SIRPB2: variants seen among roughly 807,000 people sequenced by gnomAD.
SIRPB2 encodes the protein signal regulatory protein beta 2.
A neutral mutation model predicts 27.1 loss-of-function variants in SIRPB2; 18 were observed. That is an observed-to-expected ratio of 0.66 (90% confidence interval 0.46 to 0.98). The LOEUF (loss-of-function observed/expected upper bound fraction) is 0.98. SIRPB2 is among the 50% of genes least tolerant of loss of function. The pLI is 0.00. For synonymous variants in SIRPB2, 150 were observed against 164.6 expected (o/e 0.91, Z 0.68); for missense variants, 420 against 417.4 (o/e 1.01, Z -0.06).
rs2090603064 is a variant in SIRPB2, at chr20:1,476,052, A to G, written c.*115T>C. 1 of 1,172,390 alleles carries G rather than the reference A, an allele frequency of 8.5e-7. No homozygotes were observed. Among genetic ancestry groups the G allele is most frequent in the African/African-American group, 1.5e-5 (1 of 64,558 alleles). The allele number at this position is 1,172,390 out of a possible 1,614,324, so 72.6% of individuals were successfully genotyped here. A position where few individuals can be genotyped will look rare whatever the true frequency, so the allele number is the denominator to read the frequency against. The stretch of plus-strand genomic sequence containing the variant: ...GGACCAAAACCAGATGTAGGGATCT[A>G]GGAGTTTGTCATGAGGCCTGGGGGC... On this transcript the variant is annotated 3_prime_UTR_variant, in exon 5 of 5. Coordinates refer to ENST00000359801, the MANE Select transcript of SIRPB2 (RefSeq NM_001122962.2).
chr20:1,486,285 C>T (rs2090725807), intron 1 of SIRPB2, among the ~76,000 whole-genome samples: 1 of 151,966 alleles, frequency 6.6e-6, no homozygotes, highest in Non-Finnish European at 1.5e-5. Flanking sequence ...GTTAGCCAGG[C>T]TGGTCTTGAA....
At chr20:1,482,747 T>C (rs1466494842) in intron 1 of SIRPB2, among the ~76,000 whole-genome samples, 1 of 151,044 alleles carries the variant, frequency 6.6e-6, no homozygotes, top group Non-Finnish European at 1.5e-5. Flanking sequence ...CGTGTTGCTG[T>C]GAATGACTAC....
At chr20:1,478,221 A>C in intron 3 of SIRPB2, 45 bp downstream of exon 3, 10 of 1,573,666 alleles carry the variant, frequency 6.4e-6, no homozygotes, top group African/African-American at 1.4e-5. Context: ...TTCCTGTTGA[A>C]TACCTGCTCC....
chr20:1,476,061 T>C lies in SIRPB2; in HGVS notation c.*106A>G. 7.6e-7 allele frequency: 1 copy of C among 1,308,634 alleles called. No individual in the cohort carries two copies. The highest frequency in any genetic ancestry group is 1.1e-6 in the Non-Finnish European group (1 of 936,610). 81.1% of individuals were successfully genotyped at this position (1,308,634 alleles called of 1,614,324 possible). ...CCAGATGTAGGGATCTAGGAGTTTG[T>C]CATGAGGCCTGGGGGCACCTAGAGG... is the stretch of plus-strand genomic sequence containing the variant. On this transcript the variant is annotated 3_prime_UTR_variant, in exon 5 of 5. Transcript: ENST00000359801.
At chr20:1,485,922 C>T (rs1385948866) in intron 1 of SIRPB2, among the ~76,000 whole-genome samples, 1 of 151,860 alleles carries the variant, frequency 6.6e-6, no homozygotes, top group East Asian at 1.9e-4. Context: ...AGATACACTG[C>T]CAAAGCTTTC....
intron 1 of SIRPB2, 67 bp from the exon 2 acceptor site, chr20:1,480,132 A>G: frequency 6.6e-7 from 1 of 1,510,582 alleles, no homozygotes; most frequent in Non-Finnish European, 8.8e-7. Context: ...GACAAGCTTA[A>G]AACAATCAAA....
chr20:1,488,009 A>T (rs1370397129), intron 1 of SIRPB2, among the ~76,000 whole-genome samples: 1 of 152,252 alleles, frequency 6.6e-6, no homozygotes, highest in Non-Finnish European at 1.5e-5. Flanking sequence ...ACATGGAAAA[A>T]AACTTTGTAA....
chr20:1,477,348 C>T lies in SIRPB2; in HGVS notation c.849G>A (p.Met283Ile), dbSNP rs772858348. The change falls in exon 4 of 5, where the codon ATG (methionine) becomes ATA (isoleucine). Residue 283 changes from methionine (M) to isoleucine (I), a missense_variant. Met to Ile is a conservative substitution (Grantham distance 10). Transcript: ENST00000359801. ...GGTGGGTACGCTCACCTGTTGGAGA[C>T]ATCTCAGTTGCAGGTTCACTGGTGA... Reference protein sequence around the residue: ...AEFTSEPATEMSPTGLLVVFA... With the variant: ...AEFTSEPATEISPTGLLVVFA... The T allele has an allele frequency of 2.5e-5, 41 of 1,614,086 alleles. No homozygotes were observed. The highest frequency in any genetic ancestry group is 2.4e-4 in the African/African-American group (18 of 74,930).
At chr20:1,483,914 A>G (rs1412863078) in intron 1 of SIRPB2, among the ~76,000 whole-genome samples, 1 of 152,028 alleles carries the variant, frequency 6.6e-6, no homozygotes, top group Non-Finnish European at 1.5e-5. Context: ...CTTCCTTAGT[A>G]TCGATATTTT....
Position 1,491,222 on chromosome 20 carries a change from C to T in SIRPB2, c.85+53G>A. The T allele has an allele frequency of 2.0e-6, 3 of 1,524,624 alleles. No homozygotes were observed. In the South Asian group the frequency reaches 3.5e-5, roughly 18 times the overall value. The allele number at this position is 1,524,624 out of a possible 1,614,324, so 94.4% of individuals were successfully genotyped here. A position where few individuals can be genotyped will look rare whatever the true frequency, so the allele number is the denominator to read the frequency against. ...GCATGGCAGAGCACTTAGTGCCCCTCTAGGGACTGACCAGCCGGGGGTGGA... is the reference window on the plus strand; with the variant it reads ...GCATGGCAGAGCACTTAGTGCCCCTTTAGGGACTGACCAGCCGGGGGTGGA... On this transcript the variant is annotated intron_variant, in intron 1 of 4. Coordinates refer to ENST00000359801, the MANE Select transcript of SIRPB2 (RefSeq NM_001122962.2).
At chr20:1,487,494 A>C (rs2090737396) in intron 1 of SIRPB2, among the ~76,000 whole-genome samples, 1 of 152,258 alleles carries the variant, frequency 6.6e-6, no homozygotes, top group South Asian at 2.1e-4. Flanking sequence ...AAAAAGAATA[A>C]AGTTAGAAAA....
rs775525513 is a variant in SIRPB2 at position 1,477,256 on chromosome 20, T to G, written c.859+82A>C. The G allele has an allele frequency of 3.1e-6, 5 of 1,614,020 alleles. No individual in the cohort carries two copies. The South Asian group carries it at 5.5e-5, about 18-fold the overall frequency. ...CAGGTTAGCCCCAGGAGTCTGGGAC[T>G]GCTCCCTTCCCATGACCAAGCCATT... On this transcript the variant is annotated intron_variant, in intron 4 of 4. Transcript: ENST00000359801.
chr20:1,480,264 A>G (rs983994876), intron 1 of SIRPB2, 199 bp from the exon 2 acceptor site: 15 of 650,316 alleles, frequency 2.3e-5, no homozygotes, highest in African/African-American at 3.6e-5. Context: ...TGGCAAACCT[A>G]CAAACAATAA....
intron 1 of SIRPB2, among the ~76,000 whole-genome samples, chr20:1,489,001 A>T (rs2090752888): frequency 6.6e-6 from 1 of 152,240 alleles, no homozygotes; most frequent in African/African-American, 2.4e-5. Flanking sequence ...GAAAGGGTTT[A>T]TCCATACAAT....
At chr20:1,484,671 C>G (rs767119008) in intron 1 of SIRPB2, among the ~76,000 whole-genome samples, 1 of 149,776 alleles carries the variant, frequency 6.7e-6, no homozygotes, top group Non-Finnish European at 1.5e-5. Flanking sequence ...CCAGTTGGAA[C>G]GACTGTTAAA....
chr20:1,491,175 T>C (rs1404366644), intron 1 of SIRPB2, 100 bp downstream of exon 1: 9 of 1,101,710 alleles, frequency 8.2e-6, no homozygotes, highest in Non-Finnish European at 1.0e-5. Context: ...TACTCTATCT[T>C]CATGGGGTCA....
intron 1 of SIRPB2, among the ~76,000 whole-genome samples, chr20:1,486,137 A>ATCTCAGCTCACTCCAACCTCTG (rs2090724382): frequency 6.7e-6 from 1 of 148,218 alleles, no homozygotes; most frequent in Admixed American, 6.8e-5. Context: ...TGGTGGCGTG[A>ATCTCAGCTCACTCCAACCTCTG]TCTCAGCTCA....
At chr20:1,480,235 A>G in intron 1 of SIRPB2, 170 bp from the exon 2 acceptor site, 2 of 861,160 alleles carry the variant, frequency 2.3e-6, no homozygotes, top group South Asian at 3.7e-5. Flanking sequence ...GGCTGCAGAG[A>G]GAGAACTGAG....
chr20:1,476,853 C>G, intron 4 of SIRPB2: 1 of 1,120,862 alleles, frequency 8.9e-7, no homozygotes. Context: ...CAGTTCTGGA[C>G]ACCTGGCATG....
Sources: allele counts gnomAD v4.1 joint callset (sites outside exome capture counted in the v4.1 genomes callset), GRCh38; gene constraint gnomAD v4.1.1; transcripts MANE v1.5; gene names NCBI Gene and HGNC (gene_info 2026-07-23, HGNC 2026-07-21).